Variants in NTM observed in about 807,000 individuals in gnomAD.
NTM encodes neurotrimin, also known as IgLON family member 2.
Under a neutral mutation model 42.1 loss-of-function variants are expected in NTM, and 13 were observed. The observed-to-expected ratio is 0.31, with a 90% CI of 0.20 to 0.49. The LOEUF is 0.49. Among genes scored for constraint, NTM ranks in the 20% least tolerant of loss-of-function variants. The pLI is 0.99. For synonymous variants in NTM, 187 were observed against 179.2 expected (o/e 1.04, Z -0.35); for missense variants, 373 against 452.8 (o/e 0.82, Z 1.60).
At chr11:132,316,319 G>A (rs1452029159) in intron 7 of NTM, among the ~76,000 whole-genome samples, 1 of 152,168 alleles carries the variant, frequency 6.6e-6, no homozygotes, top group Admixed American at 6.6e-5. Context: ...TGAAGTGCAG[G>A]TCATAAATAT....
chr11:132,175,307 T>C (rs1452506947), intron 3 of NTM, among the ~76,000 whole-genome samples: 3 of 152,078 alleles, frequency 2.0e-5, no homozygotes, highest in Admixed American at 6.5e-5. Flanking sequence ...CACCTCATGG[T>C]CCACCCACAC....
At chr11:131,875,059 C>T (rs2048348605) in intron 1 of NTM, among the ~76,000 whole-genome samples, 1 of 152,188 alleles carries the variant, frequency 6.6e-6, no homozygotes, top group African/African-American at 2.4e-5. Context: ...AGAACTGGGG[C>T]CTTGTCCTGG....
At chr11:131,741,810 A>G (rs114949912) in intron 1 of NTM, among the ~76,000 whole-genome samples, 2,304 of 152,344 alleles carry the variant, frequency 0.015, 52 homozygotes, top group African/African-American at 0.05. Context: ...ACTGTCGAAG[A>G]CACGGAATCA....
At chr11:131,412,242 C>T (rs905501210) in intron 1 of NTM, among the ~76,000 whole-genome samples, 7 of 152,134 alleles carry the variant, frequency 4.6e-5, no homozygotes, top group African/African-American at 2.4e-5. Context: ...TGTAAGTTCT[C>T]ATCATGAAAC....
intron 7 of NTM, 145 bp downstream of exon 7, chr11:132,314,848 A>T: frequency 7.2e-7 from 1 of 1,393,070 alleles, no homozygotes; most frequent in Non-Finnish European, 9.3e-7. Context: ...AGAGAGACAC[A>T]GAAAGAAATG....
At chr11:132,223,421 C>T (rs3099765) in intron 4 of NTM, among the ~76,000 whole-genome samples, 6 of 151,948 alleles carry the variant, frequency 3.9e-5, no homozygotes, top group Non-Finnish European at 8.8e-5. Context: ...TCATAAAAGG[C>T]GGACTGACAT....
chr11:131,772,912 A>T (rs1478454817), intron 1 of NTM, among the ~76,000 whole-genome samples: 1 of 152,192 alleles, frequency 6.6e-6, no homozygotes, highest in Non-Finnish European at 1.5e-5. Context: ...CTGAGGTGAG[A>T]CTTAACTGAT....
At chr11:132,116,771 A>C (rs1182936536) in intron 2 of NTM, among the ~76,000 whole-genome samples, 2 of 152,234 alleles carry the variant, frequency 1.3e-5, no homozygotes, top group African/African-American at 4.8e-5. Flanking sequence ...TGACAGTTAT[A>C]GACCTTTCTT....
rs567907232 is a variant in NTM at position 132,124,152 on chromosome 11, A to G, written c.168-22130A>G. ...CTCCAGTGATCAATAAACGTTAGTC[A>G]GGGTCATTATTGTGCTATGCCCCTT... On this transcript the variant is annotated intron_variant, in intron 2 of 8. Transcript: ENST00000683400. 9.2e-5 allele frequency among the ~76,000 whole-genome samples: 14 copies of G among 152,298 alleles called. No homozygotes were observed. In the South Asian group the frequency reaches 2.1e-3, roughly 23 times the overall value.
At chr11:132,052,437 T>C (rs754039400) in intron 2 of NTM, among the ~76,000 whole-genome samples, 15 of 152,192 alleles carry the variant, frequency 9.9e-5, no homozygotes, top group Non-Finnish European at 2.1e-4. Context: ...TGGCACTTTA[T>C]CAGTTGAAAA....
intron 1 of NTM, among the ~76,000 whole-genome samples, chr11:131,474,555 A>G (rs1165227427): frequency 6.6e-6 from 1 of 151,996 alleles, no homozygotes; most frequent in Non-Finnish European, 1.5e-5. Flanking sequence ...CCAGCATCTC[A>G]TTCATCATCT....
intron 2 of NTM, among the ~76,000 whole-genome samples, chr11:132,136,703 G>C (rs2137166343): frequency 6.6e-6 from 1 of 152,320 alleles, no homozygotes. Context: ...GTATGATTTT[G>C]GTCTCCTAAG....
intron 4 of NTM, among the ~76,000 whole-genome samples, chr11:132,241,680 T>C (rs1481907310): frequency 6.6e-6 from 1 of 152,222 alleles, no homozygotes; most frequent in Non-Finnish European, 1.5e-5. Context: ...GTACTCCTAA[T>C]ACTAAAAATA....
chr11:131,769,508 A>C, intron 1 of NTM: 1 of 446,340 alleles, frequency 2.2e-6, no homozygotes, highest in Non-Finnish European at 3.0e-6. Context: ...TTATTCTGGT[A>C]TTTATAAAGA....
intron 1 of NTM, among the ~76,000 whole-genome samples, chr11:131,647,700 G>A (rs1592354071): frequency 6.6e-6 from 1 of 152,166 alleles, no homozygotes; most frequent in Admixed American, 6.5e-5. Context: ...TGATGGAACT[G>A]GGGTATAAAT....
At chr11:131,879,200 C>T (rs1378091059) in intron 1 of NTM, among the ~76,000 whole-genome samples, 3 of 152,154 alleles carry the variant, frequency 2.0e-5, no homozygotes, top group Non-Finnish European at 4.4e-5. Flanking sequence ...AAAATGACCT[C>T]GAACCTGGAT....
At chr11:132,041,532 T>G (rs1011312491) in intron 2 of NTM, among the ~76,000 whole-genome samples, 1 of 152,250 alleles carries the variant, frequency 6.6e-6, no homozygotes, top group Non-Finnish European at 1.5e-5. Flanking sequence ...ATTAATGTGC[T>G]GACTTGTGGG....
At chr11:131,405,088 G>A (rs781061952) in intron 1 of NTM, among the ~76,000 whole-genome samples, 1 of 152,260 alleles carries the variant, frequency 6.6e-6, no homozygotes, top group Non-Finnish European at 1.5e-5. Flanking sequence ...CACATGAAAG[G>A]TTGTCTGTTA....
chr11:131,481,728 A>G (rs763276702), intron 1 of NTM, among the ~76,000 whole-genome samples: 2 of 152,146 alleles, frequency 1.3e-5, no homozygotes, highest in Admixed American at 6.5e-5. Flanking sequence ...CCTTACCATC[A>G]CTATGAGCTC....
Sources: allele counts gnomAD v4.1 joint callset (sites outside exome capture counted in the v4.1 genomes callset), GRCh38; gene constraint gnomAD v4.1.1; transcripts MANE v1.5; gene names NCBI Gene and HGNC (gene_info 2026-07-23, HGNC 2026-07-21).